DLC1: variants seen among roughly 807,000 people sequenced by gnomAD.
The protein encoded by DLC1 is rho GTPase-activating protein 7.
In DLC1, 54 loss-of-function variants were observed where a neutral mutation model predicts 140.3. That is an observed-to-expected ratio of 0.38 (90% CI 0.31 to 0.48). The LOEUF (loss-of-function observed/expected upper bound fraction) is 0.48. Ranked by LOEUF, DLC1 falls within the 20% of genes least tolerant of loss-of-function variation. The probability of loss-of-function intolerance (pLI) is 0.96; values close to 1 mark genes in which losing one functional copy is unlikely to be tolerated. For synonymous variants in DLC1, 986 were observed against 728.1 expected, an observed-to-expected ratio of 1.35 and a Z score of -5.70; for missense variants, 2,536 against 1,907.0, an observed-to-expected ratio of 1.33 and a Z score of -6.14.
intron 5 of DLC1, among the ~76,000 whole-genome samples, chr8:13,181,343 T>C (rs28526167): frequency 0.11 from 16,880 of 151,606 alleles, 1,806 homozygotes; most frequent in East Asian, 0.31. Flanking sequence ...TTCTTTTTTT[T>C]TTTTTAGTAA....
intron 5 of DLC1, among the ~76,000 whole-genome samples, chr8:13,144,559 A>T (rs181972222): frequency 1.4e-4 from 21 of 152,264 alleles, no homozygotes; most frequent in Admixed American, 1.2e-3. Flanking sequence ...AGATCAGGAG[A>T]TCGAGAACAT....
chr8:13,571,467 T>C (rs1804650457), intron 1 of DLC1, among the ~76,000 whole-genome samples: 1 of 152,234 alleles, frequency 6.6e-6, no homozygotes, highest in Admixed American at 6.5e-5. Flanking sequence ...CATGCAGTCT[T>C]TGTCATTTTG....
chr8:13,553,103 C>A (rs1310400133), intron 1 of DLC1, among the ~76,000 whole-genome samples: 1 of 149,822 alleles, frequency 6.7e-6, no homozygotes, highest in African/African-American at 2.4e-5. Context: ...GCAAACACAC[C>A]TAAACCTTGA....
intron 4 of DLC1, among the ~76,000 whole-genome samples, chr8:13,351,398 A>G (rs546157680): frequency 7.2e-5 from 11 of 152,338 alleles, no homozygotes; most frequent in Admixed American, 2.6e-4. Flanking sequence ...TGTCATTGCA[A>G]TGTTAGTTTT....
chr8:13,436,075 C>G (rs1021419305), intron 2 of DLC1, among the ~76,000 whole-genome samples: 1 of 152,188 alleles, frequency 6.6e-6, no homozygotes, highest in East Asian at 1.9e-4. Flanking sequence ...GCATACTTGA[C>G]TACAGTATAG....
At chr8:13,183,286 C>G (rs912653998) in intron 5 of DLC1, among the ~76,000 whole-genome samples, 2 of 152,054 alleles carry the variant, frequency 1.3e-5, no homozygotes, top group African/African-American at 2.4e-5. Flanking sequence ...CTTCCTCATT[C>G]CCTAATTGAA....
At chr8:13,501,992 C>T (rs1422410809) in intron 1 of DLC1, among the ~76,000 whole-genome samples, 1 of 152,078 alleles carries the variant, frequency 6.6e-6, no homozygotes, top group African/African-American at 2.4e-5. Context: ...TTAAGAAATA[C>T]CAAGTGGTAT....
At position 13,397,159 on chromosome 8, in the gene DLC1, C is replaced by T. The variant is rs555685562; in HGVS notation, c.1174-3466G>A. ...CCAGGGAAGGGTGCATCTTGTGATC[C>T]ATTGGTTGTTCTGATCTGGAGACCA... On this transcript the variant is annotated intron_variant, in intron 3 of 17. Transcript: ENST00000276297. Among the ~76,000 whole-genome samples the T allele has an allele frequency of 3.1e-4, 47 of 152,210 alleles. No individual in the cohort carries two copies. The South Asian group carries it at 9.8e-3, about 32-fold the overall frequency.
chr8:13,274,800 A>T (rs1831094262), intron 5 of DLC1, among the ~76,000 whole-genome samples: 1 of 127,770 alleles, frequency 7.8e-6, no homozygotes, highest in African/African-American at 2.8e-5. Context: ...CATTATCTTT[A>T]GTAAGATATT....
At chr8:13,451,842 T>C (rs1799073354) in intron 2 of DLC1, among the ~76,000 whole-genome samples, 1 of 152,346 alleles carries the variant, frequency 6.6e-6, no homozygotes, top group Middle Eastern at 3.4e-3. Context: ...ATTGCAGATA[T>C]CTGTTTGATA....
At chr8:13,152,773 TG>T (rs1474382030) in intron 5 of DLC1, among the ~76,000 whole-genome samples, 2 of 126,586 alleles carry the variant, frequency 1.6e-5, no homozygotes, top group African/African-American at 6.1e-5. Context: ...ACCATGATCT[TG>T]CCACTGCACT....
At chr8:13,107,202 C>G (rs57282540) in intron 7 of DLC1, among the ~76,000 whole-genome samples, 2,711 of 152,272 alleles carry the variant, frequency 0.018, 89 homozygotes, top group African/African-American at 0.062. Flanking sequence ...TATTGCCAAA[C>G]TTTATATTTA....
chr8:13,518,690 A>G (rs1174765123), upstream of DLC1, among the ~76,000 whole-genome samples: 1 of 152,190 alleles, frequency 6.6e-6, no homozygotes, highest in Non-Finnish European at 1.5e-5. Context: ...TATGTTTTCC[A>G]TTTTTGTTAA....
intron 5 of DLC1, among the ~76,000 whole-genome samples, chr8:13,216,548 A>G (rs1283364162): frequency 6.6e-6 from 1 of 152,156 alleles, no homozygotes; most frequent in Non-Finnish European, 1.5e-5. Context: ...TACCCAGCAG[A>G]ACGTGCCAAG....
chr8:13,337,258 G>A (rs1380214755), intron 4 of DLC1, among the ~76,000 whole-genome samples: 1 of 152,074 alleles, frequency 6.6e-6, no homozygotes, highest in African/African-American at 2.4e-5. Flanking sequence ...ATTAGATTTG[G>A]CAGTGTGTTT....
Position 13,567,859 on chromosome 8 carries a change from A to G in DLC1, c.-126+36678T>C. 1.9e-6 allele frequency: 3 copies of G among 1,551,914 alleles called. No homozygotes were observed. The African/African-American group carries it at 4.1e-5, about 21-fold the overall frequency. ...AGAGCAGAAGTTGCAGCGAGATGGAAATAGTGCTTGTCATTTACCATTTTC... is the reference window on the plus strand; with the variant it reads ...AGAGCAGAAGTTGCAGCGAGATGGAGATAGTGCTTGTCATTTACCATTTTC... On this transcript the variant is annotated intron_variant, in intron 1 of 1. Coordinates refer to the DLC1 transcript ENST00000631382.
At chr8:13,362,697 A>G (rs1835288779) in intron 4 of DLC1, among the ~76,000 whole-genome samples, 1 of 152,158 alleles carries the variant, frequency 6.6e-6, no homozygotes, top group Non-Finnish European at 1.5e-5. Flanking sequence ...TATATTTACA[A>G]TAAAACTCAA....
At chr8:13,207,679 A>C (rs1827738221) in intron 5 of DLC1, among the ~76,000 whole-genome samples, 1 of 152,084 alleles carries the variant, frequency 6.6e-6, no homozygotes, top group African/African-American at 2.4e-5. Flanking sequence ...TCTCAGTTGG[A>C]GTGATCTTTC....
chr8:13,434,401 A>G (rs1437482013), intron 2 of DLC1, among the ~76,000 whole-genome samples: 4 of 152,176 alleles, frequency 2.6e-5, no homozygotes, highest in South Asian at 2.1e-4. Context: ...CTCCATTTCA[A>G]TTCACAAAGT....
Sources: allele counts gnomAD v4.1 joint callset (sites outside exome capture counted in the v4.1 genomes callset), GRCh38; gene constraint gnomAD v4.1.1; transcripts MANE v1.5; gene names NCBI Gene and HGNC (gene_info 2026-07-23, HGNC 2026-07-21).